RYR2: variants seen among roughly 807,000 people sequenced by gnomAD.
RYR2 encodes ryanodine receptor 2.
Under a neutral mutation model 601.1 loss-of-function variants are expected in RYR2, and 227 were observed. The ratio of observed to expected loss-of-function variants is 0.38; its 90% CI spans 0.34 to 0.42. The LOEUF (loss-of-function observed/expected upper bound fraction) is 0.42, where lower values mean the gene tolerates loss of function less well. Ranked by LOEUF, RYR2 falls within the 10% of genes least tolerant of loss-of-function variation. The pLI is 1.00. For synonymous variants in RYR2, 2,223 were observed against 2,175.1 expected, an observed-to-expected ratio of 1.02 and a Z score of -0.61; for missense variants, 4,646 against 6,156.5, an observed-to-expected ratio of 0.75 and a Z score of 8.21.
intron 101 of RYR2, among the ~76,000 whole-genome samples, chr1:237,825,991 C>T (rs973315096): frequency 1.3e-4 from 19 of 151,952 alleles, no homozygotes; most frequent in Admixed American, 7.9e-4. Context: ...ATTAGAATGG[C>T]GATCATTAAA....
At chr1:237,342,467 T>C (rs1697907438) in intron 3 of RYR2, among the ~76,000 whole-genome samples, 1 of 152,048 alleles carries the variant, frequency 6.6e-6, no homozygotes, top group African/African-American at 2.4e-5. Flanking sequence ...ACAACCTCTT[T>C]AGTGATTGTT....
At position 237,247,712 on chromosome 1, in the gene RYR2, G is replaced by A. The variant is rs142328954; in HGVS notation, c.49-22785G>A. On this transcript the variant is annotated intron_variant, in intron 1 of 104. Transcript: ENST00000366574. ...GAACAAAGACCACTCCAGGAGTATTGAGGTACCAGGAGGAAGGTGGAATAG... is the reference window on the plus strand; with the variant it reads ...GAACAAAGACCACTCCAGGAGTATTAAGGTACCAGGAGGAAGGTGGAATAG... Among the ~76,000 whole-genome samples, 357 of 152,244 alleles carry A rather than the reference G, an allele frequency of 2.3e-3. 3 individuals are homozygous for A. Among genetic ancestry groups the A allele is most frequent in the East Asian group, 0.016 (81 of 5,164 alleles).
chr1:237,812,871 ACAAAG>A (rs1661396425), intron 100 of RYR2, among the ~76,000 whole-genome samples: 2 of 145,288 alleles, frequency 1.4e-5, no homozygotes, highest in African/African-American at 5.2e-5. Flanking sequence ...TTCTCGCACC[ACAAAG>A]CAGAGAAAAA....
intron 3 of RYR2, among the ~76,000 whole-genome samples, chr1:237,354,990 T>G (rs1309511519): frequency 1.3e-5 from 2 of 152,176 alleles, no homozygotes; most frequent in African/African-American, 4.8e-5. Context: ...ACTCTGTATG[T>G]TGCTTTTTAT....
intron 1 of RYR2, among the ~76,000 whole-genome samples, chr1:237,083,937 T>C (rs565783333): frequency 6.6e-6 from 1 of 152,314 alleles, no homozygotes; most frequent in African/African-American, 2.4e-5. Context: ...TCAGCCACAT[T>C]TCAGGTGTTC....
rs1680716293 is a variant in RYR2 at position 237,634,880 on chromosome 1, A to C, written c.6689-9A>C. 2 of 1,593,426 alleles carry C rather than the reference A, an allele frequency of 1.3e-6. No individual in the cohort carries two copies. Among genetic ancestry groups the C allele is most frequent in the Non-Finnish European group, 1.7e-6 (2 of 1,168,396 alleles). ...CCAGGTTATATTTCATCTTCATTTG[A>C]ATTAATAGCCTCCCCAGCTATGAGA... On this transcript the variant is annotated splice_polypyrimidine_tract_variant and intron_variant, in intron 43 of 104. Coordinates refer to ENST00000366574, the MANE Select transcript of RYR2 (RefSeq NM_001035.3).
At chr1:237,250,637 T>C (rs556139352) in intron 1 of RYR2, among the ~76,000 whole-genome samples, 1 of 152,174 alleles carries the variant, frequency 6.6e-6, no homozygotes, top group Non-Finnish European at 1.5e-5. Context: ...ACAGAAGCAG[T>C]TGGAAGAGAA....
chr1:237,552,588 A>G (rs1670508797), intron 27 of RYR2, among the ~76,000 whole-genome samples: 1 of 152,152 alleles, frequency 6.6e-6, no homozygotes, highest in South Asian at 2.1e-4. Flanking sequence ...TTTATAGCAA[A>G]TAGACATATA....
intron 1 of RYR2, among the ~76,000 whole-genome samples, chr1:237,084,920 G>A (rs1365852489): frequency 6.6e-6 from 1 of 152,210 alleles, no homozygotes; most frequent in African/African-American, 2.4e-5. Context: ...AGAGAGCCTG[G>A]AATAACCTTG....
intron 10 of RYR2, among the ~76,000 whole-genome samples, chr1:237,395,978 C>T (rs1214172187): frequency 6.6e-6 from 1 of 152,122 alleles, no homozygotes; most frequent in Non-Finnish European, 1.5e-5. Flanking sequence ...TCTTGCATAC[C>T]TTTTGCATAG....
At chr1:237,559,378 G>A (rs769229087) in intron 27 of RYR2, among the ~76,000 whole-genome samples, 5 of 152,046 alleles carry the variant, frequency 3.3e-5, no homozygotes, top group Non-Finnish European at 5.9e-5. Context: ...GCTGGAGTGG[G>A]CAGAACAGAG....
chr1:237,198,214 G>T (rs1435976006), intron 1 of RYR2, among the ~76,000 whole-genome samples: 1 of 152,130 alleles, frequency 6.6e-6, no homozygotes, highest in African/African-American at 2.4e-5. Flanking sequence ...AAAATGAAAT[G>T]AACCACTTGT....
intron 92 of RYR2, among the ~76,000 whole-genome samples, chr1:237,788,628 TA>T (rs1657943798): frequency 6.6e-6 from 1 of 152,178 alleles, no homozygotes; most frequent in Non-Finnish European, 1.5e-5. Flanking sequence ...CCCTTTTACT[TA>T]AAAATCCAGG....
chr1:237,629,095 C>T (rs1056621091), intron 41 of RYR2, among the ~76,000 whole-genome samples: 4 of 151,944 alleles, frequency 2.6e-5, no homozygotes, highest in Admixed American at 6.6e-5. Flanking sequence ...GAGAAGAAAA[C>T]GGAATTCAGA....
intron 1 of RYR2, among the ~76,000 whole-genome samples, chr1:237,171,855 A>C (rs145164227): frequency 6.6e-6 from 1 of 152,320 alleles, no homozygotes; most frequent in African/African-American, 2.4e-5. Context: ...GTGCTATCAT[A>C]AGGAGGTTTT....
intron 25 of RYR2, among the ~76,000 whole-genome samples, chr1:237,533,800 C>G (rs1357674522): frequency 6.6e-6 from 1 of 151,904 alleles, no homozygotes; most frequent in Non-Finnish European, 1.5e-5. Flanking sequence ...TAAATATAGG[C>G]AGGGATGTAA....
chr1:237,273,228 A>G (rs1159443934), intron 2 of RYR2, among the ~76,000 whole-genome samples: 2 of 151,996 alleles, frequency 1.3e-5, no homozygotes, highest in Admixed American at 1.3e-4. Context: ...GAGGGTGTGC[A>G]ACCTAGATCC....
At chr1:237,218,476 G>A (rs1201310103) in intron 1 of RYR2, among the ~76,000 whole-genome samples, 1 of 152,136 alleles carries the variant, frequency 6.6e-6, no homozygotes, top group Admixed American at 6.5e-5. Context: ...GGCTAGGAGA[G>A]GTTGGACAAC....
chr1:237,405,344 A>G (rs1160606707), intron 10 of RYR2, among the ~76,000 whole-genome samples: 2 of 152,194 alleles, frequency 1.3e-5, no homozygotes, highest in Non-Finnish European at 2.9e-5. Context: ...ACTATGTCAA[A>G]TGCAGTTCTC....
Sources: allele counts gnomAD v4.1 joint callset (sites outside exome capture counted in the v4.1 genomes callset), GRCh38; gene constraint gnomAD v4.1.1; transcripts MANE v1.5; gene names NCBI Gene and HGNC (gene_info 2026-07-23, HGNC 2026-07-21).